Variants in LRRC4C observed in about 807,000 individuals in gnomAD.
The protein encoded by LRRC4C is leucine-rich repeat-containing protein 4C.
Under a neutral mutation model 33.6 loss-of-function variants are expected in LRRC4C, and 5 were observed. The observed-to-expected ratio is 0.15, with a 90% CI of 0.08 to 0.31. LRRC4C has a LOEUF of 0.31. LRRC4C is among the 10% of genes least tolerant of loss of function. The pLI is 1.00. For missense variants in LRRC4C, 560 were observed against 796.7 expected (o/e 0.70, Z 3.58); for synonymous variants, 329 against 302.0 (o/e 1.09, Z -0.93).
intron 4 of LRRC4C, among the ~76,000 whole-genome samples, chr11:40,243,505 AC>A (rs1191216206): frequency 6.6e-6 from 1 of 152,144 alleles, no homozygotes; most frequent in African/African-American, 2.4e-5. Flanking sequence ...CTAGTTAGTG[AC>A]AAAAGTTAGA....
intron 4 of LRRC4C, among the ~76,000 whole-genome samples, chr11:40,314,642 C>A (rs1374022044): frequency 6.6e-6 from 1 of 152,078 alleles, no homozygotes; most frequent in African/African-American, 2.4e-5. Flanking sequence ...GGTATGGATT[C>A]AACTCAGGTG....
chr11:41,160,557 G>A (rs909634635), intron 1 of LRRC4C, among the ~76,000 whole-genome samples: 4 of 152,034 alleles, frequency 2.6e-5, no homozygotes, highest in African/African-American at 9.7e-5. Context: ...TACAAACAGG[G>A]ATACATGAAT....
chr11:40,343,843 A>T (rs935632954), intron 3 of LRRC4C, among the ~76,000 whole-genome samples: 2 of 152,106 alleles, frequency 1.3e-5, no homozygotes, highest in Non-Finnish European at 2.9e-5. Flanking sequence ...ATAGAAATAC[A>T]AAAAGGTCTC....
intron 3 of LRRC4C, among the ~76,000 whole-genome samples, chr11:40,590,388 T>C (rs1309614746): frequency 6.8e-6 from 1 of 146,200 alleles, no homozygotes; most frequent in African/African-American, 2.5e-5. Context: ...TCTAAATTTT[T>C]TTCAAAGTTT....
intron 3 of LRRC4C, among the ~76,000 whole-genome samples, chr11:40,483,311 A>T (rs1953686168): frequency 6.6e-6 from 1 of 152,180 alleles, no homozygotes; most frequent in Non-Finnish European, 1.5e-5. Context: ...GAGAAAAAAG[A>T]ATTATCCAGG....
intron 4 of LRRC4C, among the ~76,000 whole-genome samples, chr11:40,250,691 AT>A (rs1188960352): frequency 6.6e-6 from 1 of 152,098 alleles, no homozygotes; most frequent in Non-Finnish European, 1.5e-5. Context: ...GTGAGCCGAG[AT>A]TGCGCCACTG....
At chr11:41,448,142 T>TTTTTTTG (rs1955894592) in intron 1 of LRRC4C, among the ~76,000 whole-genome samples, 1 of 145,086 alleles carries the variant, frequency 6.9e-6, no homozygotes, top group African/African-American at 2.5e-5. Flanking sequence ...TTTTTTTTTT[T>TTTTTTTG]GGAGCTTTAC....
chr11:40,544,145 C>A (rs949241786), intron 3 of LRRC4C, among the ~76,000 whole-genome samples: 1 of 151,918 alleles, frequency 6.6e-6, no homozygotes, highest in Non-Finnish European at 1.5e-5. Flanking sequence ...ATTAGATGAC[C>A]GATATTTAAA....
chr11:40,447,148 C>A, intron 3 of LRRC4C: 1 of 172,514 alleles, frequency 5.8e-6, no homozygotes. Flanking sequence ...CTTTACCAAT[C>A]CTGGTAATGG....
chr11:40,960,134 GGGAAGGAAGGAA>G (rs551883780), intron 1 of LRRC4C, among the ~76,000 whole-genome samples: 17 of 148,174 alleles, frequency 1.1e-4, no homozygotes, highest in Non-Finnish European at 2.6e-4. Context: ...GAAGGAAGGA[GGGAAGGAAGGAA>G]GGAAGGAAGG....
intron 2 of LRRC4C, among the ~76,000 whole-genome samples, chr11:40,882,620 C>T (rs1955240638): frequency 6.6e-6 from 1 of 152,014 alleles, no homozygotes; most frequent in Non-Finnish European, 1.5e-5. Context: ...TTATCTAAGG[C>T]TCCAGATGCC....
At chr11:40,909,609 A>G (rs1956576347) in intron 2 of LRRC4C, among the ~76,000 whole-genome samples, 1 of 152,044 alleles carries the variant, frequency 6.6e-6, no homozygotes, top group Non-Finnish European at 1.5e-5. Flanking sequence ...CTACACATCA[A>G]TTTTCAATGA....
At chr11:40,864,708 T>C (rs367855043) in intron 2 of LRRC4C, among the ~76,000 whole-genome samples, 2 of 152,194 alleles carry the variant, frequency 1.3e-5, no homozygotes, top group African/African-American at 4.8e-5. Context: ...TTCTTAGTAT[T>C]CTAAGAAGAA....
At chr11:41,456,929 T>C (rs558055558) in intron 1 of LRRC4C, among the ~76,000 whole-genome samples, 11 of 152,284 alleles carry the variant, frequency 7.2e-5, no homozygotes, top group Non-Finnish European at 1.3e-4. Flanking sequence ...CCTTGAGATA[T>C]GGGAGAAATG....
intron 5 of LRRC4C, among the ~76,000 whole-genome samples, chr11:40,238,937 C>A (rs1235248664): frequency 6.6e-6 from 1 of 152,108 alleles, no homozygotes; most frequent in Non-Finnish European, 1.5e-5. Flanking sequence ...AAAATGTTAT[C>A]CATTATCGGT....
intron 3 of LRRC4C, among the ~76,000 whole-genome samples, chr11:40,397,220 G>A (rs1001481417): frequency 3.9e-5 from 6 of 151,900 alleles, no homozygotes; most frequent in African/African-American, 1.2e-4. Flanking sequence ...AAAATATTTC[G>A]TCTTCTAATC....
At chr11:40,848,285 A>G (rs190402798) in intron 2 of LRRC4C, among the ~76,000 whole-genome samples, 4 of 152,246 alleles carry the variant, frequency 2.6e-5, no homozygotes, top group Admixed American at 6.5e-5. Flanking sequence ...GTGGGCATTT[A>G]GTGCTATAAA....
intron 3 of LRRC4C, among the ~76,000 whole-genome samples, chr11:40,647,120 T>C (rs1397872608): frequency 1.3e-5 from 2 of 152,208 alleles, no homozygotes; most frequent in Admixed American, 6.5e-5. Flanking sequence ...GGTTATCTTT[T>C]GGGAGGATCA....
At chr11:41,134,953 T>C (rs1943190052) in intron 1 of LRRC4C, among the ~76,000 whole-genome samples, 1 of 152,144 alleles carries the variant, frequency 6.6e-6, no homozygotes, top group Non-Finnish European at 1.5e-5. Context: ...TATCATTATT[T>C]GAAAGCTGAG....
Sources: gnomAD v4.1 joint callset for allele counts (sites outside exome capture counted in the v4.1 genomes callset) on GRCh38, gnomAD v4.1.1 for gene constraint, MANE v1.5 for transcripts, NCBI Gene and HGNC (gene_info 2026-07-23, HGNC 2026-07-21) for gene names.